Variants in CDH13 observed in about 807,000 individuals in gnomAD.
CDH13 encodes the protein cadherin 13, also known as cadherin-13.
CDH13 carries 24 observed loss-of-function variants against 63.8 expected under a neutral mutation model. The observed-to-expected ratio is 0.38, with a 90% CI of 0.27 to 0.53. The LOEUF is 0.53. CDH13 is among the 20% of genes least tolerant of loss of function. CDH13 has a pLI of 0.85. For missense variants in CDH13, 1,049 were observed against 903.1 expected, an observed-to-expected ratio of 1.16 and a Z score of -2.07; for synonymous variants, 503 against 355.3, an observed-to-expected ratio of 1.42 and a Z score of -4.67.
chr16:82,785,637 T>C (rs2035967546), intron 1 of CDH13, among the ~76,000 whole-genome samples: 2 of 152,198 alleles, frequency 1.3e-5, no homozygotes, highest in Admixed American at 1.3e-4. Flanking sequence ...ATTCTAGAGA[T>C]TTGATAATCA....
At chr16:83,283,822 G>A (rs569504900) in intron 5 of CDH13, among the ~76,000 whole-genome samples, 195 of 152,112 alleles carry the variant, frequency 1.3e-3, no homozygotes, top group African/African-American at 1.9e-3. Context: ...GCCTTTTTTG[G>A]TAATAATATC....
intron 7 of CDH13, among the ~76,000 whole-genome samples, chr16:83,597,590 T>C (rs1319233837): frequency 2.0e-5 from 3 of 152,214 alleles, no homozygotes; most frequent in African/African-American, 7.2e-5. Context: ...TTTATTTTTA[T>C]GTTGCTTACA....
rs117034758 is a variant in CDH13, at chr16:82,906,294, A to T, written c.157+47821A>T. 1.3e-3 allele frequency among the ~76,000 whole-genome samples: 202 copies of T among 152,256 alleles called. 7 individuals carry two copies. The East Asian group carries it at 0.035, about 26-fold the overall frequency. On this transcript the variant is annotated intron_variant, in intron 2 of 13. Coordinates refer to ENST00000567109, the MANE Select transcript of CDH13 (RefSeq NM_001257.5). ...TAAGCTTATAGCTTAGCAGACCTCCATGGTGGCCATGATGAGGATTCCTTT... is the reference window on the plus strand; with the variant it reads ...TAAGCTTATAGCTTAGCAGACCTCCTTGGTGGCCATGATGAGGATTCCTTT...
intron 3 of CDH13, among the ~76,000 whole-genome samples, chr16:83,107,626 C>G (rs946527850): frequency 1.1e-4 from 17 of 151,980 alleles, no homozygotes; most frequent in African/African-American, 3.6e-4. Flanking sequence ...TGAGCATTCA[C>G]AGTATGAGAG....
At chr16:83,508,974 C>G (rs1389307566) in intron 7 of CDH13, among the ~76,000 whole-genome samples, 2 of 152,104 alleles carry the variant, frequency 1.3e-5, no homozygotes, top group African/African-American at 4.8e-5. Flanking sequence ...TGTGTACATG[C>G]CATCACAGCT....
intron 2 of CDH13, among the ~76,000 whole-genome samples, chr16:82,878,237 A>C (rs11150508): frequency 0.047 from 7,126 of 151,928 alleles, 300 homozygotes; most frequent in Admixed American, 0.15. Context: ...TGAAATCTGC[A>C]GTTATCTCTA....
At chr16:83,472,479 G>C (rs1012237990) in intron 6 of CDH13, among the ~76,000 whole-genome samples, 2 of 152,198 alleles carry the variant, frequency 1.3e-5, no homozygotes, top group African/African-American at 4.8e-5. Context: ...TCGGCCCCGG[G>C]AGCTGGCTTG....
At chr16:82,973,085 A>G (rs761304879) in intron 2 of CDH13, among the ~76,000 whole-genome samples, 5 of 152,208 alleles carry the variant, frequency 3.3e-5, no homozygotes, top group Non-Finnish European at 7.3e-5. Flanking sequence ...CCTCTGTCTC[A>G]GCATTTCTGC....
intron 3 of CDH13, among the ~76,000 whole-genome samples, chr16:83,058,975 G>C (rs1023141363): frequency 1.3e-5 from 2 of 152,132 alleles, no homozygotes; most frequent in African/African-American, 4.8e-5. Flanking sequence ...TTCAAAGATG[G>C]ATGTCCCGGT....
At chr16:83,602,086 A>C (rs1246614535) in intron 7 of CDH13, among the ~76,000 whole-genome samples, 1 of 82,380 alleles carries the variant, frequency 1.2e-5, no homozygotes, top group African/African-American at 5.6e-5. Context: ...CTGTCTCAAA[A>C]AAAAAAAAAA....
At chr16:83,482,025 G>C (rs1431740596) in intron 6 of CDH13, among the ~76,000 whole-genome samples, 2 of 152,172 alleles carry the variant, frequency 1.3e-5, no homozygotes, top group Non-Finnish European at 2.9e-5. Flanking sequence ...CCTGGGCATA[G>C]CATTGGTATG....
Position 82,694,640 on chromosome 16 carries a change from G to A in CDH13, c.45+67503G>A, listed in dbSNP as rs921977984. On this transcript the variant is annotated intron_variant, in intron 1 of 13. Coordinates refer to ENST00000567109, the MANE Select transcript of CDH13 (RefSeq NM_001257.5). ...TTTTGGTGAATTTTCCCACTGCCAT[G>A]CTTCATGTTACCAAAATATTTCCCT... 2.0e-5 allele frequency among the ~76,000 whole-genome samples: 3 copies of A among 152,076 alleles called. No homozygotes were observed. In the East Asian group the frequency reaches 5.8e-4, roughly 29 times the overall value.
At chr16:83,707,255 T>G (rs1907215153) in intron 10 of CDH13, among the ~76,000 whole-genome samples, 1 of 152,340 alleles carries the variant, frequency 6.6e-6, no homozygotes, top group East Asian at 1.9e-4. Flanking sequence ...CAGTTTCAAA[T>G]ACTGCATGGT....
chr16:82,793,691 CTT>C (rs1454905100), intron 1 of CDH13, among the ~76,000 whole-genome samples: 1 of 152,128 alleles, frequency 6.6e-6, no homozygotes, highest in African/African-American at 2.4e-5. Context: ...CCTCCTTCCT[CTT>C]GTCTGTGATG....
intron 5 of CDH13, among the ~76,000 whole-genome samples, chr16:83,267,808 C>G (rs1597624944): frequency 6.6e-6 from 1 of 152,130 alleles, no homozygotes; most frequent in African/African-American, 2.4e-5. Flanking sequence ...TTTTATTTAA[C>G]AAGATATTAT....
chr16:83,718,506 T>C (rs935504384), intron 10 of CDH13, among the ~76,000 whole-genome samples: 4 of 152,200 alleles, frequency 2.6e-5, no homozygotes, highest in Non-Finnish European at 5.9e-5. Context: ...AACCAAGCAG[T>C]GGAATGTTCA....
At chr16:83,331,711 A>G (rs536253778) in intron 5 of CDH13, among the ~76,000 whole-genome samples, 1 of 152,178 alleles carries the variant, frequency 6.6e-6, no homozygotes, top group Non-Finnish European at 1.5e-5. Context: ...TAAAAATTGC[A>G]TTATGTATAC....
intron 1 of CDH13, among the ~76,000 whole-genome samples, chr16:82,671,631 A>G (rs933039155): frequency 6.6e-6 from 1 of 152,166 alleles, no homozygotes; most frequent in African/African-American, 2.4e-5. Context: ...AGCATAGGCC[A>G]CCCCAGTCTT....
intron 2 of CDH13, among the ~76,000 whole-genome samples, chr16:82,926,782 C>G (rs556534684): frequency 6.6e-6 from 1 of 152,306 alleles, no homozygotes; most frequent in South Asian, 2.1e-4. Context: ...GGGTTTTCAT[C>G]TCAGCCATGT....
Sources: allele counts gnomAD v4.1 joint callset (sites outside exome capture counted in the v4.1 genomes callset), GRCh38; gene constraint gnomAD v4.1.1; transcripts MANE v1.5; gene names NCBI Gene and HGNC (gene_info 2026-07-23, HGNC 2026-07-21).